The following KMT2B variants were observed in gnomAD, a reference collection of about 807,000 sequenced individuals.
KMT2B encodes lysine methyltransferase 2B, also known as histone-lysine N-methyltransferase 2B.
In KMT2B, 22 loss-of-function variants were observed where a neutral mutation model predicts 255.3. The ratio of observed to expected loss-of-function variants is 0.09; its 90% confidence interval spans 0.06 to 0.12. KMT2B has a LOEUF of 0.12. KMT2B is among the 10% of genes least tolerant of loss of function. The probability of loss-of-function intolerance (pLI) is 1.00; values close to 1 mark genes in which losing one functional copy is unlikely to be tolerated. For missense variants in KMT2B, 3,149 were observed against 3,737.0 expected, an observed-to-expected ratio of 0.84 and a Z score of 4.10; for synonymous variants, 1,730 against 1,498.1, an observed-to-expected ratio of 1.15 and a Z score of -3.57.
intron 26 of KMT2B, among the ~76,000 whole-genome samples, chr19:35,731,568 G>A (rs1346785333): frequency 6.6e-6 from 1 of 152,166 alleles, no homozygotes; most frequent in African/African-American, 2.4e-5. Flanking sequence ...GGGCGGGAGC[G>A]TCTGATGTGG....
At chr19:35,719,645 T>G (rs1477197831) in intron 2 of KMT2B, 104 bp downstream of exon 2, 5 of 1,503,638 alleles carry the variant, frequency 3.3e-6, no homozygotes, top group Non-Finnish European at 4.6e-6. Context: ...TTGCCGAATG[T>G]GTTCTGTGTT....
rs1568382218 is a variant in KMT2B, at chr19:35,733,322, C to T, written c.6773C>T (p.Pro2258Leu). The T allele has an allele frequency of 1.8e-5, 28 of 1,524,156 alleles. No homozygotes were observed. Among genetic ancestry groups the T allele is most frequent in the Non-Finnish European group, 2.5e-5 (28 of 1,125,682 alleles). 94.4% of individuals were successfully genotyped at this position (1,524,156 alleles called of 1,614,324 possible). The change falls in exon 28 of 37, where the codon CCT becomes CTT. Residue 2258 changes from proline (P) to leucine (L), a missense_variant. Around this residue, in one of 18 missense-constraint regions of KMT2B, gnomAD observed 897 missense variants for 825.3 expected, o/e 1.09. Coordinates refer to ENST00000420124, the MANE Select transcript of KMT2B (RefSeq NM_014727.3). This position sits in a 1 kb window ranked among gnomAD's most constrained non-coding sequence, Gnocchi z 4.3. ...CGCCCTGCCCCGCCCCCGCCACCCC[C>T]TCCCCTGACGCTGGTGCTGAGCAGT... Reference protein sequence around the residue: ...VVRPAPPPPPPPLTLVLSSGP... With the variant: ...VVRPAPPPPPLPLTLVLSSGP...
rs756054199 is a variant in KMT2B at position 35,732,043 on chromosome 19, G to A, written c.5573G>A (p.Arg1858His). The A allele has an allele frequency of 8.7e-6, 14 of 1,612,272 alleles. No homozygotes were observed. The highest frequency in any genetic ancestry group is 4.0e-5 in the African/African-American group (3 of 74,816). The change falls in exon 27 of 37, where the codon CGT becomes CAT. Residue 1858 changes from arginine (R) to histidine (H), a missense_variant. By Grantham distance (29) the Arg-to-His change is conservative. Transcript: ENST00000420124. ...DSGSAPPPAP[R>H]SFSGARIKVP... The stretch of plus-strand genomic sequence containing the variant: ...GGCAGCGCCCCTCCTCCAGCCCCCC[G>A]TTCTTTTTCGGGGGCTCGAATCAAA...
At chr19:35,719,216 G>A (rs532090580) in intron 1 of KMT2B, among the ~76,000 whole-genome samples, 2 of 152,306 alleles carry the variant, frequency 1.3e-5, no homozygotes, top group African/African-American at 2.4e-5. Flanking sequence ...TCTCTCTTGG[G>A]CCAGTGAACC....
chr19:35,737,469 C>A lies in KMT2B; in HGVS notation c.7551-167C>A. 1 of 756,474 alleles carries A rather than the reference C, an allele frequency of 1.3e-6. No individual in the cohort carries two copies. Among genetic ancestry groups the A allele is most frequent in the Non-Finnish European group, 2.1e-6 (1 of 481,502 alleles). The allele number at this position is 756,474 out of a possible 1,614,324, so 46.9% of individuals were successfully genotyped here. ...GGCCGAGGCAGGAGGATCGCATGAG[C>A]CCAGGAGTTGGAGACCAGCGTAGGC... On this transcript the variant is annotated intron_variant, in intron 33 of 36. Coordinates refer to ENST00000420124, the MANE Select transcript of KMT2B (RefSeq NM_014727.3). This position sits in a 1 kb window ranked among gnomAD's most constrained non-coding sequence, Gnocchi z 5.3.
chr19:35,727,297 G>A lies in KMT2B; in HGVS notation c.4117+28G>A. ...GAGTCAGTGGAGCACCTGGGCTGCA[G>A]CCTCAACCCTGTGGGGACCCCTGCC... is the stretch of plus-strand genomic sequence containing the variant. On this transcript the variant is annotated intron_variant, in intron 15 of 36. Transcript: ENST00000420124. This position sits in a 1 kb window ranked among gnomAD's most constrained non-coding sequence, Gnocchi z 4.2. 6.3e-7 allele frequency: 1 copy of A among 1,595,736 alleles called. No individual in the cohort carries two copies. The highest frequency in any genetic ancestry group is 8.6e-7 in the Non-Finnish European group (1 of 1,163,930).
In KMT2B at chr19:35,737,641, G is replaced by A. The variant is rs1446310161; in HGVS notation, c.7556G>A (p.Cys2519Tyr). Reference protein sequence around the residue: ...AARAEVYLRKCTFDMFNFLAS... With the variant: ...AARAEVYLRKYTFDMFNFLAS... ...TCCCCTGCTGCCACCTGCAGGAAGTGCACCTTTGACATGTTCAACTTCCTG... is the reference window on the plus strand; with the variant it reads ...TCCCCTGCTGCCACCTGCAGGAAGTACACCTTTGACATGTTCAACTTCCTG... Residue 2519 changes from cysteine to tyrosine, a missense_variant, in exon 34 of 37, where the codon TGC (cysteine) becomes TAC (tyrosine). By Grantham distance (194) the Cys-to-Tyr change is radical (BLOSUM62 -2). Around this residue, in one of 18 missense-constraint regions of KMT2B, gnomAD observed 103 missense variants for 200.7 expected, o/e 0.51. Coordinates refer to ENST00000420124, the MANE Select transcript of KMT2B (RefSeq NM_014727.3). This position sits in a 1 kb window ranked among gnomAD's most constrained non-coding sequence, Gnocchi z 5.3. 1.9e-6 allele frequency: 3 copies of A among 1,556,318 alleles called. No individual in the cohort carries two copies. Among genetic ancestry groups the A allele is most frequent in the Non-Finnish European group, 2.6e-6 (3 of 1,149,086 alleles).
chr19:35,721,525 T>C lies in KMT2B; in HGVS notation c.2178T>C (p.Ala726=). The C allele has an allele frequency of 1.9e-6, 3 of 1,611,798 alleles. No individual in the cohort carries two copies. Among genetic ancestry groups the C allele is most frequent in the Non-Finnish European group, 2.5e-6 (3 of 1,179,852 alleles). The change falls in exon 3 of 37, where the codon GCT becomes GCC. Residue 726 remains alanine, a synonymous_variant. Coordinates refer to ENST00000420124, the MANE Select transcript of KMT2B (RefSeq NM_014727.3). ...KAEVSPHGAP[A]LSNGPQTQAQ... ...AGGTGTCCCCTCACGGGGCTCCAGCTCTGAGCAACGGGCCACAGACACAGG... is the reference window on the plus strand; with the variant it reads ...AGGTGTCCCCTCACGGGGCTCCAGCCCTGAGCAACGGGCCACAGACACAGG...
Position 35,721,244 on chromosome 19 carries a change from C to A in KMT2B, c.1897C>A (p.Pro633Thr). 6.6e-7 allele frequency: 1 copy of A among 1,515,448 alleles called. No homozygotes were observed. The highest frequency in any genetic ancestry group is 8.9e-7 in the Non-Finnish European group (1 of 1,126,994). 93.9% of individuals were successfully genotyped at this position (1,515,448 alleles called of 1,614,324 possible). A position where few individuals can be genotyped will look rare whatever the true frequency, so the allele number is the denominator to read the frequency against. The part of the protein sequence containing the change: ...PAPPPPPAPS[P>T]PPAPATSSRR... Reference sequence around the variant, plus strand: ...CCCTCCACCTCCCCCGGCCCCCTCCCCACCCCCTGCTCCTGCCACCTCCTC... The same window carrying A: ...CCCTCCACCTCCCCCGGCCCCCTCCACACCCCCTGCTCCTGCCACCTCCTC... The change falls in exon 3 of 37, where the codon CCA becomes ACA. Residue 633 changes from proline to threonine, a missense_variant. Around this residue, in one of 18 missense-constraint regions of KMT2B, gnomAD observed 1,188 missense variants for 1,106.4 expected, o/e 1.07. Transcript: ENST00000420124.
chr19:35,731,466 C>T (rs188362168), intron 26 of KMT2B, among the ~76,000 whole-genome samples: 37 of 152,242 alleles, frequency 2.4e-4, no homozygotes, highest in African/African-American at 3.4e-4. Context: ...ACACCCATCC[C>T]GTCTGGAAAC....
At chr19:35,724,101 C>CA in intron 8 of KMT2B, 94 bp downstream of exon 8, 1 of 1,260,452 alleles carries the variant, frequency 7.9e-7, no homozygotes, top group Non-Finnish European at 1.1e-6. Context: ...AGGGCTCTGT[C>CA]AGTCTGATAG....
Position 35,721,386 on chromosome 19 carries a change from A to G in KMT2B, c.2039A>G (p.Glu680Gly). The G allele has an allele frequency of 1.2e-6, 2 of 1,605,732 alleles. No individual in the cohort carries two copies. The highest frequency in any genetic ancestry group is 1.7e-6 in the Non-Finnish European group (2 of 1,177,174). ...GGGGCTCCTGAAGCCCCTGAGCCAG[A>G]GCCTCCTCCTGCCGATGACTCTCCA... is the stretch of plus-strand genomic sequence containing the variant. Reference protein sequence around the residue: ...PLGAPEAPEPEPPPADDSPAE... With the variant: ...PLGAPEAPEPGPPPADDSPAE... Residue 680 changes from glutamate (E) to glycine (G), a missense_variant, in exon 3 of 37, where the codon GAG (glutamate) becomes GGG (glycine). Around this residue, in one of 18 missense-constraint regions of KMT2B, gnomAD observed 1,188 missense variants for 1,106.4 expected, o/e 1.07. Transcript: ENST00000420124.
At position 35,727,551 on chromosome 19, in the gene KMT2B, G is replaced by A. The variant is rs769608051; in HGVS notation, c.4231G>A (p.Gly1411Arg). Residue 1411 changes from glycine to arginine, a missense_variant, in exon 16 of 37, where the codon GGG becomes AGG. Around this residue, in one of 18 missense-constraint regions of KMT2B, gnomAD observed 377 missense variants for 471.0 expected, o/e 0.80. Coordinates refer to ENST00000420124, the MANE Select transcript of KMT2B (RefSeq NM_014727.3). This position sits in a 1 kb window ranked among gnomAD's most constrained non-coding sequence, Gnocchi z 4.2. ...WREALSGALQ[G>R]GLRQVLQGLL... ...AGAGGCCCTGAGCGGGGCCCTCCAG[G>A]GGGGCCTGCGCCAGGTGCTCCAGGG... 1.9e-6 allele frequency: 3 copies of A among 1,607,140 alleles called. No individual in the cohort carries two copies. The highest frequency in any genetic ancestry group is 1.7e-6 in the Non-Finnish European group (2 of 1,178,750).
chr19:35,732,888 T>A lies in KMT2B; in HGVS notation c.6339T>A (p.Ile2113=). ...CTCCTGAGGACCTGCCATCGGAAAT[T>A]GTGGATTTTGTGTTGAAGAACCTAG... The part of the protein sequence containing the change: ...ARPPEDLPSE[I]VDFVLKNLGG... The change falls in exon 28 of 37, where the codon ATT becomes ATA. Residue 2113 remains isoleucine (I), a synonymous_variant. Coordinates refer to ENST00000420124, the MANE Select transcript of KMT2B (RefSeq NM_014727.3). 3.1e-6 allele frequency: 5 copies of A among 1,610,286 alleles called. No homozygotes were observed. Among genetic ancestry groups the A allele is most frequent in the Non-Finnish European group, 4.2e-6 (5 of 1,178,870 alleles).
rs1599676996 is a variant in KMT2B, at chr19:35,723,721, T to C, written c.3059-11T>C. The C allele has an allele frequency of 6.6e-7, 1 of 1,520,248 alleles. No homozygotes were observed. The highest frequency in any genetic ancestry group is 8.8e-7 in the Non-Finnish European group (1 of 1,134,220). The allele number at this position is 1,520,248 out of a possible 1,614,324, so 94.2% of individuals were successfully genotyped here. A position where few individuals can be genotyped will look rare whatever the true frequency, so the allele number is the denominator to read the frequency against. On this transcript the variant is annotated splice_polypyrimidine_tract_variant and intron_variant, in intron 7 of 36. Coordinates refer to ENST00000420124, the MANE Select transcript of KMT2B (RefSeq NM_014727.3). The surrounding 1 kb of genome is among the most constrained non-coding windows in gnomAD (Gnocchi z 7.5). ...TGAGCTCAAATCCTACTAAGTCCCC[T>C]GTTCCCGCAGGCCGGACGATAGTGA...
In KMT2B at chr19:35,734,848, T is replaced by C. The variant is rs117955528; in HGVS notation, c.7159+976T>C. 2.6e-3 allele frequency among the ~76,000 whole-genome samples: 400 copies of C among 152,264 alleles called. 4 individuals are homozygous for C. Among genetic ancestry groups the C allele is most frequent in the South Asian group, 0.015 (73 of 4,824 alleles). ...CTGTCCAGATGTTTGGATTTTCTCA[T>C]GACACACAGCTCAGTTGCTGAGCTG... On this transcript the variant is annotated intron_variant, in intron 30 of 36. Coordinates refer to ENST00000420124, the MANE Select transcript of KMT2B (RefSeq NM_014727.3).
At position 35,718,010 on chromosome 19, in the gene KMT2B, G is replaced by A; in HGVS notation, c.-9G>A. ...CCCCCGCCTCCCCGGCCCCTCTCAC[G>A]GTGCCAAGATGGCGGCGGCGGCGGG... On this transcript the variant is annotated 5_prime_UTR_variant, in exon 1 of 37. Transcript: ENST00000420124. This position sits in a 1 kb window ranked among gnomAD's most constrained non-coding sequence, Gnocchi z 5.0. 2.0e-6 allele frequency: 2 copies of A among 985,276 alleles called. No homozygotes were observed. Among genetic ancestry groups the A allele is most frequent in the South Asian group, 4.6e-5 (1 of 21,876 alleles). The allele number at this position is 985,276 out of a possible 1,614,324, so 61.0% of individuals were successfully genotyped here.
intron 22 of KMT2B, 148 bp downstream of exon 22, chr19:35,729,444 G>T: frequency 9.1e-7 from 1 of 1,095,224 alleles, no homozygotes; most frequent in Admixed American, 2.4e-5. Context: ...CGTTGGTGCT[G>T]ATGGCAGCTT....
rs1392006340 is a variant in KMT2B, at chr19:35,738,502, G to T, written c.8093G>T (p.Ser2698Ile). ...TACAAGTTCCCCATCGAGGATGCCA[G>T]CAACAAGCTGCCCTGCAACTGTGGC... ...YDYKFPIEDA[S>I]NKLPCNCGAK... is the part of the protein sequence containing the mutation. Residue 2698 changes from serine to isoleucine, a missense_variant, in exon 37 of 37, where the codon AGC (serine) becomes ATC (isoleucine). By Grantham distance (142) the Ser-to-Ile change is moderately radical (BLOSUM62 -2). Coordinates refer to ENST00000420124, the MANE Select transcript of KMT2B (RefSeq NM_014727.3). This position sits in a 1 kb window ranked among gnomAD's most constrained non-coding sequence, Gnocchi z 8.7. 6.2e-7 allele frequency: 1 copy of T among 1,614,050 alleles called. No homozygotes were observed. The highest frequency in any genetic ancestry group is 1.3e-5 in the African/African-American group (1 of 75,062).
Sources: allele counts gnomAD v4.1 joint callset (sites outside exome capture counted in the v4.1 genomes callset), GRCh38; gene constraint gnomAD v4.1.1; regional missense constraint gnomAD v4.1.1; non-coding constraint Gnocchi (gnomAD v3.1); transcripts MANE v1.5; gene names NCBI Gene and HGNC (gene_info 2026-07-23, HGNC 2026-07-21).